CAMKMT: variants seen among roughly 807,000 people sequenced by gnomAD.
The protein encoded by CAMKMT is CaM KMT.
Under a neutral mutation model 48.0 loss-of-function variants are expected in CAMKMT, and 53 were observed. The observed-to-expected ratio is 1.10, with a 90% CI of 0.89 to 1.39. CAMKMT has a LOEUF of 1.39. Ranked by LOEUF, CAMKMT falls within the 40% of genes most tolerant of loss-of-function variation. The pLI is 0.00. For synonymous variants in CAMKMT, 165 were observed against 152.3 expected, an observed-to-expected ratio of 1.08 and a Z score of -0.61; for missense variants, 428 against 402.7, an observed-to-expected ratio of 1.06 and a Z score of -0.54.
At chr2:44,533,082 G>A (rs960026083) in intron 3 of CAMKMT, among the ~76,000 whole-genome samples, 1 of 151,946 alleles carries the variant, frequency 6.6e-6, no homozygotes, top group African/African-American at 2.4e-5. Context: ...CCAAAGTGCT[G>A]GGATTACAGG....
In CAMKMT at chr2:44,706,276, C is replaced by A. The variant is rs757590096; in HGVS notation, c.438-11C>A. ...TTGTATGGGTTCTACCATTTCTTTTCTCTCTTTCAGGGCCCTTGCTGTGTG... is the reference window on the plus strand; with the variant it reads ...TTGTATGGGTTCTACCATTTCTTTTATCTCTTTCAGGGCCCTTGCTGTGTG... On this transcript the variant is annotated splice_polypyrimidine_tract_variant and intron_variant, in intron 4 of 10. Transcript: ENST00000378494. The A allele has an allele frequency of 5.0e-6, 8 of 1,613,056 alleles. No individual in the cohort carries two copies. In the South Asian group the frequency reaches 8.8e-5, roughly 18 times the overall value.
chr2:44,678,249 T>G (rs1675829757), intron 3 of CAMKMT, among the ~76,000 whole-genome samples: 1 of 152,208 alleles, frequency 6.6e-6, no homozygotes, highest in South Asian at 2.1e-4. Flanking sequence ...GATTAATTCT[T>G]TCCATTAACA....
At chr2:44,486,760 A>G (rs1179686624) in intron 3 of CAMKMT, among the ~76,000 whole-genome samples, 6 of 152,204 alleles carry the variant, frequency 3.9e-5, no homozygotes, top group African/African-American at 7.2e-5. Context: ...CTTTCCTTCT[A>G]TGTTCCCACA....
At chr2:44,472,988 G>A (rs1388312530) in intron 3 of CAMKMT, among the ~76,000 whole-genome samples, 1 of 152,190 alleles carries the variant, frequency 6.6e-6, no homozygotes, top group East Asian at 1.9e-4. Flanking sequence ...AACCGGGAGA[G>A]AGGAAAGATA....
At chr2:44,666,648 G>C (rs149545049) in intron 3 of CAMKMT, among the ~76,000 whole-genome samples, 2,729 of 142,188 alleles carry the variant, frequency 0.019, 36 homozygotes, top group Non-Finnish European at 0.023. Flanking sequence ...GTCTGGCTCT[G>C]TCACCCAAGC....
intron 3 of CAMKMT, among the ~76,000 whole-genome samples, chr2:44,460,948 C>T (rs916540835): frequency 6.6e-6 from 1 of 151,928 alleles, no homozygotes; most frequent in African/African-American, 2.4e-5. Flanking sequence ...GTCTCGAACT[C>T]CTGGCCTCAA....
chr2:44,662,982 CAT>C (rs1674758961), intron 3 of CAMKMT, among the ~76,000 whole-genome samples: 1 of 152,144 alleles, frequency 6.6e-6, no homozygotes, highest in Non-Finnish European at 1.5e-5. Context: ...ATTAGATACA[CAT>C]ATAAATAATT....
At chr2:44,543,747 C>T (rs2103623116) in intron 3 of CAMKMT, among the ~76,000 whole-genome samples, 1 of 152,258 alleles carries the variant, frequency 6.6e-6, no homozygotes, top group East Asian at 1.9e-4. Context: ...CAAATTTTTA[C>T]ACAACATAGT....
At chr2:44,450,880 T>C (rs1327196385) in intron 3 of CAMKMT, among the ~76,000 whole-genome samples, 2 of 152,152 alleles carry the variant, frequency 1.3e-5, no homozygotes, top group African/African-American at 4.8e-5. Flanking sequence ...AAATCTTTAA[T>C]TTATCAAAGA....
At chr2:44,609,773 T>A (rs1671496949) in intron 3 of CAMKMT, among the ~76,000 whole-genome samples, 1 of 152,194 alleles carries the variant, frequency 6.6e-6, no homozygotes, top group South Asian at 2.1e-4. Context: ...AAATGGCTCA[T>A]TTCCAGAAGG....
intron 3 of CAMKMT, among the ~76,000 whole-genome samples, chr2:44,602,768 A>C (rs1461162565): frequency 6.6e-6 from 1 of 152,104 alleles, no homozygotes; most frequent in Non-Finnish European, 1.5e-5. Flanking sequence ...ACATGAGAAT[A>C]GCATGAGGAA....
chr2:44,765,540 AAAAG>A (rs922577695), intron 9 of CAMKMT, among the ~76,000 whole-genome samples: 3 of 152,026 alleles, frequency 2.0e-5, no homozygotes, highest in Non-Finnish European at 4.4e-5. Context: ...TTAAAAAAAA[AAAAG>A]GAGATTCTGA....
chr2:44,638,271 C>T (rs866851689), intron 3 of CAMKMT, among the ~76,000 whole-genome samples: 37 of 152,096 alleles, frequency 2.4e-4, no homozygotes, highest in African/African-American at 8.9e-4. Flanking sequence ...GAAAGTTAGA[C>T]TATCAGTTAA....
intron 3 of CAMKMT, among the ~76,000 whole-genome samples, chr2:44,615,474 C>T (rs1671836897): frequency 6.6e-6 from 1 of 152,120 alleles, no homozygotes; most frequent in African/African-American, 2.4e-5. Flanking sequence ...AACTTGGTGA[C>T]TGCTTGGATA....
Position 44,725,454 on chromosome 2 carries a change from A to C in CAMKMT, c.623+10101A>C, listed in dbSNP as rs140803905. On this transcript the variant is annotated intron_variant, in intron 7 of 10. Coordinates refer to ENST00000378494, the MANE Select transcript of CAMKMT (RefSeq NM_024766.5). ...CTCAAGATGTCCAGACAAGAGATGGACATTTCCCCAGCTACCAAGTTACAA... is the reference window on the plus strand; with the variant it reads ...CTCAAGATGTCCAGACAAGAGATGGCCATTTCCCCAGCTACCAAGTTACAA... 4.8e-3 allele frequency among the ~76,000 whole-genome samples: 734 copies of C among 152,280 alleles called. 3 individuals carry two copies. The highest frequency in any genetic ancestry group is 8.6e-3 in the Admixed American group (132 of 15,292).
intron 1 of CAMKMT, among the ~76,000 whole-genome samples, chr2:44,368,191 G>T (rs1465996823): frequency 6.6e-6 from 1 of 152,090 alleles, no homozygotes; most frequent in African/African-American, 2.4e-5. Context: ...AAAATGCCTT[G>T]ACTATTCCTT....
At chr2:44,497,506 T>G (rs1166833688) in intron 3 of CAMKMT, among the ~76,000 whole-genome samples, 1 of 152,028 alleles carries the variant, frequency 6.6e-6, no homozygotes, top group East Asian at 1.9e-4. Flanking sequence ...AAAAATCCCA[T>G]TTAGTAAAAA....
At chr2:44,368,104 T>C (rs1572641691) in intron 1 of CAMKMT, among the ~76,000 whole-genome samples, 1 of 152,342 alleles carries the variant, frequency 6.6e-6, no homozygotes, top group South Asian at 2.1e-4. Context: ...TGATACTTAA[T>C]CTTTTGACAT....
At chr2:44,483,238 T>G (rs1669061685) in intron 3 of CAMKMT, among the ~76,000 whole-genome samples, 1 of 152,158 alleles carries the variant, frequency 6.6e-6, no homozygotes, top group South Asian at 2.1e-4. Flanking sequence ...GCCTTAACAT[T>G]TAAAGTCAAC....
Sources: gnomAD v4.1 joint callset for allele counts (sites outside exome capture counted in the v4.1 genomes callset) on GRCh38, gnomAD v4.1.1 for gene constraint, MANE v1.5 for transcripts, NCBI Gene and HGNC (gene_info 2026-07-23, HGNC 2026-07-21) for gene names.